Variants in KCNT2 observed in about 807,000 individuals in gnomAD.
KCNT2 encodes potassium sodium-activated channel subfamily T member 2.
A neutral mutation model predicts 153.8 loss-of-function variants in KCNT2; 67 were observed. The ratio of observed to expected loss-of-function variants is 0.44; its 90% confidence interval spans 0.36 to 0.53. The LOEUF is 0.53. Ranked by LOEUF, KCNT2 falls within the 20% of genes least tolerant of loss-of-function variation. The pLI is 0.00. For synonymous variants in KCNT2, 500 were observed against 458.8 expected, an observed-to-expected ratio of 1.09 and a Z score of -1.15; for missense variants, 975 against 1,354.8, an observed-to-expected ratio of 0.72 and a Z score of 4.40.
Position 196,465,389 on chromosome 1 carries a change from TA to T in KCNT2, c.544-3del. ...CTGAATGGCTCTGTGTAGATCATTC[TA>T]AAATAATACAGAAAAAAAGTTGTAA... On this transcript the variant is annotated splice_region_variant and splice_polypyrimidine_tract_variant and intron_variant, in intron 7 of 27. Coordinates refer to ENST00000294725, the MANE Select transcript of KCNT2 (RefSeq NM_198503.5). 1 of 1,569,476 alleles carries T rather than the reference TA, an allele frequency of 6.4e-7. No individual in the cohort carries two copies. The highest frequency in any genetic ancestry group is 1.1e-5 in the South Asian group (1 of 89,252).
chr1:196,268,572 A>T (rs755045377), intron 25 of KCNT2, among the ~76,000 whole-genome samples: 2 of 152,180 alleles, frequency 1.3e-5, no homozygotes, highest in Non-Finnish European at 2.9e-5. Context: ...ACAGTGTCTC[A>T]CTCCAGTTTT....
chr1:196,381,182 C>A (rs762922373), intron 13 of KCNT2, among the ~76,000 whole-genome samples: 1 of 152,040 alleles, frequency 6.6e-6, no homozygotes. Context: ...TAAATATAAT[C>A]TTTTTTGATG....
At chr1:196,529,236 T>G (rs1239037343) in intron 1 of KCNT2, among the ~76,000 whole-genome samples, 1 of 152,142 alleles carries the variant, frequency 6.6e-6, no homozygotes, top group African/African-American at 2.4e-5. Context: ...ATTTAAACCA[T>G]GTAATGTAAG....
intron 13 of KCNT2, among the ~76,000 whole-genome samples, chr1:196,384,685 T>A (rs936556342): frequency 4.1e-5 from 5 of 120,984 alleles, no homozygotes; most frequent in Non-Finnish European, 8.0e-5. Flanking sequence ...GCAGCCTGGG[T>A]GACAGAGTGA....
rs571379884 is a variant in KCNT2, at chr1:196,299,836, T to C, written c.2595+5398A>G. Among the ~76,000 whole-genome samples, 3 of 152,282 alleles carry C rather than the reference T, an allele frequency of 2.0e-5. No homozygotes were observed. In the South Asian group the frequency reaches 6.2e-4, roughly 32 times the overall value. On this transcript the variant is annotated intron_variant, in intron 22 of 27. Transcript: ENST00000294725. ...ACAGCATCATTTAGAATGGCCAAGA[T>C]ATGGAATTAACCTAAGTGTTCATCA... is the stretch of plus-strand genomic sequence containing the variant.
chr1:196,314,480 A>G (rs1381363676), intron 21 of KCNT2, among the ~76,000 whole-genome samples: 6 of 151,674 alleles, frequency 4.0e-5, no homozygotes, highest in African/African-American at 7.3e-5. Flanking sequence ...CTCACTAGTT[A>G]ACTAGTTAGC....
chr1:196,375,542 T>C (rs1668886653), intron 13 of KCNT2, among the ~76,000 whole-genome samples: 1 of 151,792 alleles, frequency 6.6e-6, no homozygotes, highest in Admixed American at 6.6e-5. Context: ...TTGGTAAAAG[T>C]GTCTTTTTTT....
intron 21 of KCNT2, among the ~76,000 whole-genome samples, chr1:196,311,826 A>C (rs1662212196): frequency 6.6e-6 from 1 of 151,742 alleles, no homozygotes; most frequent in Admixed American, 6.6e-5. Context: ...GAAAATAATG[A>C]CAGATGCCAG....
chr1:196,243,313 C>T (rs1305388254), intron 26 of KCNT2, among the ~76,000 whole-genome samples: 1 of 151,950 alleles, frequency 6.6e-6, no homozygotes, highest in Non-Finnish European at 1.5e-5. Context: ...TGGAAGCTTC[C>T]ATACTTTCTG....
rs539963102 is a variant in KCNT2, at chr1:196,228,148, T to C, written c.*76A>G. Reference sequence around the variant, plus strand: ...GAGAATTACATATATTTCCATCTAGTTTCTTTCGTGCCAGCAAAACTTTTG... The same window carrying C: ...GAGAATTACATATATTTCCATCTAGCTTCTTTCGTGCCAGCAAAACTTTTG... On this transcript the variant is annotated 3_prime_UTR_variant, in exon 28 of 28. Coordinates refer to ENST00000294725, the MANE Select transcript of KCNT2 (RefSeq NM_198503.5). 1.1e-5 allele frequency: 8 copies of C among 756,972 alleles called. No individual in the cohort carries two copies. In the African/African-American group the frequency reaches 1.4e-4, roughly 13 times the overall value. 46.9% of individuals were successfully genotyped at this position (756,972 alleles called of 1,614,324 possible).
intron 1 of KCNT2, among the ~76,000 whole-genome samples, chr1:196,540,588 G>A (rs564506151): frequency 7.7e-4 from 117 of 152,242 alleles, no homozygotes; most frequent in African/African-American, 2.7e-3. Flanking sequence ...ACATAAACAT[G>A]AGCACAGTAC....
At chr1:196,354,282 T>C (rs1012381890) in intron 14 of KCNT2, among the ~76,000 whole-genome samples, 1 of 151,796 alleles carries the variant, frequency 6.6e-6, no homozygotes, top group African/African-American at 2.4e-5. Context: ...ACTGTAATCC[T>C]TGGATTTAGT....
At chr1:196,556,045 A>G (rs961798474) in intron 1 of KCNT2, among the ~76,000 whole-genome samples, 15 of 151,530 alleles carry the variant, frequency 9.9e-5, no homozygotes, top group African/African-American at 3.4e-4. Context: ...AAGCTGTGAA[A>G]CTACTACAAG....
intron 4 of KCNT2, among the ~76,000 whole-genome samples, chr1:196,480,772 C>T (rs1572596366): frequency 7.3e-6 from 1 of 136,162 alleles, no homozygotes; most frequent in African/African-American, 2.7e-5. Context: ...AGGAGAATGG[C>T]GTGAACCCAG....
At chr1:196,478,515 G>C (rs1473726019) in intron 5 of KCNT2, among the ~76,000 whole-genome samples, 2 of 152,002 alleles carry the variant, frequency 1.3e-5, no homozygotes, top group African/African-American at 2.4e-5. Context: ...AATCTCTATT[G>C]TGCTGTCTTT....
At chr1:196,531,176 G>A (rs1181163801) in intron 1 of KCNT2, among the ~76,000 whole-genome samples, 1 of 152,040 alleles carries the variant, frequency 6.6e-6, no homozygotes, top group East Asian at 1.9e-4. Flanking sequence ...GCCATCTACA[G>A]CTTTGGAGAC....
chr1:196,251,241 A>G (rs1167943050), intron 26 of KCNT2, among the ~76,000 whole-genome samples: 3 of 152,076 alleles, frequency 2.0e-5, no homozygotes, highest in African/African-American at 4.8e-5. Flanking sequence ...AGAAAATATG[A>G]TACATATATA....
At chr1:196,421,220 C>T (rs552921891) in intron 12 of KCNT2, among the ~76,000 whole-genome samples, 1 of 152,066 alleles carries the variant, frequency 6.6e-6, no homozygotes, top group Admixed American at 6.6e-5. Context: ...TCTTCTTACT[C>T]ATTTCTTCCA....
intron 1 of KCNT2, among the ~76,000 whole-genome samples, chr1:196,539,124 T>C (rs1655998878): frequency 6.6e-6 from 1 of 152,184 alleles, no homozygotes; most frequent in Non-Finnish European, 1.5e-5. Context: ...ATGAATACAT[T>C]TTAATGAAAT....
Sources: gnomAD v4.1 joint callset for allele counts (sites outside exome capture counted in the v4.1 genomes callset) on GRCh38, gnomAD v4.1.1 for gene constraint, MANE v1.5 for transcripts, NCBI Gene and HGNC (gene_info 2026-07-23, HGNC 2026-07-21) for gene names.